Variants in ARHGEF1 observed in about 807,000 individuals in gnomAD.
The protein encoded by ARHGEF1 is Rho guanine nucleotide exchange factor 1, also known as 115 kDa guanine nucleotide exchange factor.
In ARHGEF1, 40 loss-of-function variants were observed where a neutral mutation model predicts 119.7. That is an observed-to-expected ratio of 0.33 (90% CI 0.26 to 0.44). The LOEUF is 0.44. Ranked by LOEUF, ARHGEF1 falls within the 20% of genes least tolerant of loss-of-function variation. The pLI is 1.00. For synonymous variants in ARHGEF1, 494 were observed against 521.0 expected, an observed-to-expected ratio of 0.95 and a Z score of 0.71; for missense variants, 976 against 1,268.3, an observed-to-expected ratio of 0.77 and a Z score of 3.50.
At position 41,906,830 on chromosome 19, in the gene ARHGEF1, C is replaced by T. The variant is rs1221260659; in HGVS notation, c.*17+27C>T. The T allele has an allele frequency of 1.0e-5, 16 of 1,560,990 alleles. No homozygotes were observed. In the African/African-American group the frequency reaches 1.1e-4, roughly 11 times the overall value. On this transcript the variant is annotated intron_variant, in intron 28 of 28. Coordinates refer to ENST00000354532, the MANE Select transcript of ARHGEF1 (RefSeq NM_004706.4). This position sits in a 1 kb window ranked among gnomAD's most constrained non-coding sequence, Gnocchi z 4.5. ...TGAGTGGGGCACCTGGGGGCCAGGG[C>T]GCTGTCCTGAAAGGAGGGTCCCCCT...
chr19:41,894,759 G>A, intron 11 of ARHGEF1, 98 bp downstream of exon 11: 1 of 1,343,480 alleles, frequency 7.4e-7, no homozygotes, highest in Non-Finnish European at 9.6e-7. Flanking sequence ...CTGGGACCTG[G>A]ACGCCTGGTT....
At chr19:41,884,411 G>A in intron 1 of ARHGEF1, 1 of 1,597,158 alleles carries the variant, frequency 6.3e-7, no homozygotes, top group Non-Finnish European at 8.5e-7. Flanking sequence ...CGACGCGGCG[G>A]CAGGGGTGGG....
Position 41,894,664 on chromosome 19 carries a change from A to G in ARHGEF1, c.877+3A>G, listed in dbSNP as rs2074447471. 6.2e-7 allele frequency: 1 copy of G among 1,613,956 alleles called. No individual in the cohort carries two copies. The highest frequency in any genetic ancestry group is 8.5e-7 in the Non-Finnish European group (1 of 1,179,876). On this transcript the variant is annotated splice_donor_region_variant and intron_variant, in intron 11 of 28. Transcript: ENST00000354532. ...ACACCTCAAAGCAGAGGTTGATGGT[A>G]ATGTACCTGTAGCCATAGCATCCAT...
chr19:41,884,836 G>A (rs1693072003), intron 1 of ARHGEF1, among the ~76,000 whole-genome samples: 1 of 152,168 alleles, frequency 6.6e-6, no homozygotes, highest in South Asian at 2.1e-4. Context: ...AGTCTCCAGA[G>A]GTTCCACAGA....
chr19:41,897,339 G>A (rs1555848046), intron 13 of ARHGEF1: 2 of 1,261,950 alleles, frequency 1.6e-6, no homozygotes, highest in Non-Finnish European at 1.0e-6. Flanking sequence ...GGGTGCCTGG[G>A]CCCTGGGTGG....
intron 2 of ARHGEF1, among the ~76,000 whole-genome samples, chr19:41,929,187 C>T (rs2074890806): frequency 6.6e-6 from 1 of 151,970 alleles, no homozygotes; most frequent in Admixed American, 6.6e-5. Flanking sequence ...CACACCACAC[C>T]TTCCCCAACC....
At chr19:41,921,742 C>T (rs1419651635), upstream of ARHGEF1, among the ~76,000 whole-genome samples, 2 of 151,988 alleles carry the variant, frequency 1.3e-5, no homozygotes, top group Non-Finnish European at 2.9e-5. This position sits in a 1 kb window ranked among gnomAD's most constrained non-coding sequence, Gnocchi z 4.4. Context: ...GAGTGGAAGG[C>T]TCAGGTGTAG....
At chr19:41,891,977 T>C in intron 4 of ARHGEF1, 48 bp from the exon 5 acceptor site, 1 of 1,510,362 alleles carries the variant, frequency 6.6e-7, no homozygotes, top group Non-Finnish European at 9.0e-7. Context: ...AGAGTGTGGT[T>C]TGAGGCAGGG....
chr19:41,927,895 G>A (rs1555853407), intron 1 of ARHGEF1: 11 of 151,822 alleles, frequency 7.2e-5, no homozygotes, highest in Non-Finnish European at 2.9e-5. Context: ...TACAGCCGGG[G>A]CGGATGACCC....
At chr19:41,911,287 T>G (rs2074749923), downstream of ARHGEF1, among the ~76,000 whole-genome samples, 1 of 152,180 alleles carries the variant, frequency 6.6e-6, no homozygotes, top group Admixed American at 6.5e-5. Context: ...GTGTTCACTC[T>G]TATGCCACAT....
In ARHGEF1 at chr19:41,902,527, C is replaced by A. The variant is rs1450066819; in HGVS notation, c.1498-6C>A. The A allele has an allele frequency of 1.9e-6, 3 of 1,613,952 alleles. No homozygotes were observed. The African/African-American group carries it at 4.0e-5, about 22-fold the overall frequency. On this transcript the variant is annotated splice_polypyrimidine_tract_variant and splice_region_variant and intron_variant, in intron 16 of 28. Transcript: ENST00000354532. This position sits in a 1 kb window ranked among gnomAD's most constrained non-coding sequence, Gnocchi z 6.5. ...AGACACCTGCCTGGCCTGAATCTCG[C>A]TGTAGTTTGATGGTGCTGAGGGCTC...
Position 41,888,333 on chromosome 19 carries a change from G to C in ARHGEF1, c.111+55G>C, listed in dbSNP as rs1555845632. On this transcript the variant is annotated intron_variant, in intron 3 of 28. Transcript: ENST00000354532. This position sits in a 1 kb window ranked among gnomAD's most constrained non-coding sequence, Gnocchi z 5.1. ...GTCCCAGGCTCAGTGTCCCGCCCCA[G>C]GTCCCCTCCCACCTGCAGATGCTGT... 1.9e-6 allele frequency: 3 copies of C among 1,559,042 alleles called. No homozygotes were observed. Among genetic ancestry groups the C allele is most frequent in the Non-Finnish European group, 2.6e-6 (3 of 1,137,056 alleles).
intron 11 of ARHGEF1, among the ~76,000 whole-genome samples, chr19:41,895,066 G>A (rs1218177281): frequency 1.3e-5 from 2 of 149,922 alleles, no homozygotes; most frequent in Non-Finnish European, 3.0e-5. Flanking sequence ...AGGAAGGGCT[G>A]GGCCTAGACC....
chr19:41,894,891 T>TG (rs1555847229), intron 11 of ARHGEF1, among the ~76,000 whole-genome samples: 1 of 54,352 alleles, frequency 1.8e-5, no homozygotes. Flanking sequence ...GAGGAGGGAC[T>TG]GGGCCTGGAC....
chr19:41,898,509 G>A lies in ARHGEF1; in HGVS notation c.1189G>A (p.Gly397Ser), dbSNP rs541361665. Residue 397 changes from glycine to serine, a missense_variant, in exon 14 of 29, where the codon GGC (glycine) becomes AGC (serine). This residue lies in a region of ARHGEF1 where 519 missense variants were observed against 580.9 expected (regional missense o/e 0.89). Coordinates refer to ENST00000354532, the MANE Select transcript of ARHGEF1 (RefSeq NM_004706.4). Reference sequence around the variant, plus strand: ...GGAGCTTGAACCAGAAGAGCCTCCCGGCTGGCGGGAACTCGTCCCCCCAGA... The same window carrying A: ...GGAGCTTGAACCAGAAGAGCCTCCCAGCTGGCGGGAACTCGTCCCCCCAGA... ...GLELEPEEPP[G>S]WRELVPPDTL... 26 of 1,556,620 alleles carry A rather than the reference G, an allele frequency of 1.7e-5. No homozygotes were observed. The highest frequency in any genetic ancestry group is 3.6e-5 in the South Asian group (3 of 84,450).
At chr19:41,918,922 CAT>C (rs2074820800), upstream of ARHGEF1, among the ~76,000 whole-genome samples, 2 of 150,978 alleles carry the variant, frequency 1.3e-5, no homozygotes, top group East Asian at 2.0e-4. Context: ...ACCACACACA[CAT>C]GCACACCACA....
chr19:41,885,855 C>T (rs1314772223), intron 1 of ARHGEF1, among the ~76,000 whole-genome samples: 2 of 152,166 alleles, frequency 1.3e-5, no homozygotes, highest in African/African-American at 4.8e-5. Flanking sequence ...TGGGCTCAGG[C>T]GATCCTCTCA....
chr19:41,928,487 G>GCTCCTCCTCCTCCTCGTT (rs2074885665), intron 1 of ARHGEF1: 1 of 154,932 alleles, frequency 6.5e-6, no homozygotes, highest in African/African-American at 2.4e-5. Flanking sequence ...TCTTCCTCCT[G>GCTCCTCCTCCTCCTCGTT]CTCCTCCTCC....
chr19:41,888,402 C>G lies in ARHGEF1; in HGVS notation c.111+124C>G. On this transcript the variant is annotated intron_variant, in intron 3 of 28. Coordinates refer to ENST00000354532, the MANE Select transcript of ARHGEF1 (RefSeq NM_004706.4). This position sits in a 1 kb window ranked among gnomAD's most constrained non-coding sequence, Gnocchi z 5.1. ...CGGTCTGTCTCATCCTCTCATCTCC[C>G]TGGTACCTCCTTCCTCACCTCGCCG... is the stretch of plus-strand genomic sequence containing the variant. 1 of 937,936 alleles carries G rather than the reference C, an allele frequency of 1.1e-6. No individual in the cohort carries two copies. Among genetic ancestry groups the G allele is most frequent in the Non-Finnish European group, 1.6e-6 (1 of 618,756 alleles). The allele number at this position is 937,936 out of a possible 1,614,324, so 58.1% of individuals were successfully genotyped here.
Sources: gnomAD v4.1 joint callset for allele counts (sites outside exome capture counted in the v4.1 genomes callset) on GRCh38, gnomAD v4.1.1 for gene constraint, gnomAD v4.1.1 regional missense constraint, Gnocchi (gnomAD v3.1) non-coding constraint, MANE v1.5 for transcripts, NCBI Gene and HGNC (gene_info 2026-07-23, HGNC 2026-07-21) for gene names.